ATRNL1: variants seen among roughly 807,000 people sequenced by gnomAD.
ATRNL1 encodes the protein attractin-like protein 1.
A neutral mutation model predicts 182.7 loss-of-function variants in ATRNL1; 95 were observed. The ratio of observed to expected loss-of-function variants is 0.52; its 90% CI spans 0.44 to 0.62. The LOEUF is 0.62. Ranked by LOEUF, ATRNL1 falls within the 20% of genes least tolerant of loss-of-function variation. The probability of loss-of-function intolerance (pLI) is 0.00; values close to 1 mark genes in which losing one functional copy is unlikely to be tolerated. For missense variants in ATRNL1, 1,471 were observed against 1,679.5 expected (o/e 0.88, Z 2.17); for synonymous variants, 576 against 568.3 (o/e 1.01, Z -0.19).
At chr10:115,262,427 G>T (rs1851432282) in intron 10 of ATRNL1, among the ~76,000 whole-genome samples, 2 of 151,860 alleles carry the variant, frequency 1.3e-5, no homozygotes, top group African/African-American at 2.4e-5. Flanking sequence ...AAAATAAGTT[G>T]CAAAAAGATT....
At chr10:115,593,842 TATC>T (rs1322277566) in intron 26 of ATRNL1, among the ~76,000 whole-genome samples, 1 of 152,154 alleles carries the variant, frequency 6.6e-6, no homozygotes, top group Admixed American at 6.5e-5. Flanking sequence ...TTACACTTAT[TATC>T]ATTATCCTGT....
chr10:115,334,493 G>A, intron 19 of ATRNL1, 74 bp downstream of exon 19: 1 of 1,204,366 alleles, frequency 8.3e-7, no homozygotes, highest in Non-Finnish European at 1.1e-6. Context: ...CGCCTGTTGT[G>A]GAGAATATAT....
chr10:115,939,759 G>A (rs529753771), intron 28 of ATRNL1, among the ~76,000 whole-genome samples: 2 of 152,200 alleles, frequency 1.3e-5, no homozygotes, highest in East Asian at 1.9e-4. Context: ...AACTCTAGCG[G>A]CGTGCAGCAT....
At chr10:115,773,382 G>A (rs1395417455) in intron 27 of ATRNL1, among the ~76,000 whole-genome samples, 1 of 152,142 alleles carries the variant, frequency 6.6e-6, no homozygotes. Flanking sequence ...GGGAGCACAA[G>A]AAAATTGCTT....
chr10:115,265,122 A>T, intron 10 of ATRNL1, 71 bp from the exon 11 acceptor site: 1 of 995,860 alleles, frequency 1.0e-6, no homozygotes, highest in South Asian at 1.5e-5. Context: ...TCGGCCAATG[A>T]TGTTTTCATA....
chr10:115,446,556 T>C (rs531678568), intron 21 of ATRNL1, among the ~76,000 whole-genome samples: 176 of 152,114 alleles, frequency 1.2e-3, no homozygotes, highest in African/African-American at 3.5e-3. Flanking sequence ...ATCTACTTCA[T>C]CTGTTGTTGT....
intron 5 of ATRNL1, among the ~76,000 whole-genome samples, chr10:115,139,256 CT>C (rs1171608771): frequency 2.6e-5 from 4 of 152,230 alleles, no homozygotes; most frequent in Non-Finnish European, 5.9e-5. Context: ...GTTTCAACCT[CT>C]GCCTGTTACG....
At chr10:115,328,927 A>G (rs952623896) in intron 18 of ATRNL1, among the ~76,000 whole-genome samples, 3 of 152,132 alleles carry the variant, frequency 2.0e-5, no homozygotes. Flanking sequence ...ATATTAATAC[A>G]TTGAAGTGCT....
rs1554923993 is a variant in ATRNL1 at position 115,300,138 on chromosome 10, A to G, written c.2520A>G (p.Glu840=). The part of the protein sequence containing the change: ...TNTTLQWLPG[E]PNDSGFCAYL... ...CAACACTACAGTGGCTTCCTGGCGA[A>G]CCCAATGATTCTGGGTTTTGTGCAT... Residue 840 remains glutamate (E), a synonymous_variant, in exon 16 of 29, where the codon GAA becomes GAG. Transcript: ENST00000355044. The G allele has an allele frequency of 1.9e-6, 3 of 1,614,074 alleles. No individual in the cohort carries two copies.
chr10:115,220,723 A>AT (rs1428614311), intron 9 of ATRNL1, among the ~76,000 whole-genome samples: 1 of 7,358 alleles, frequency 1.4e-4, no homozygotes, highest in Non-Finnish European at 2.5e-4. Flanking sequence ...AAATAAAATA[A>AT]TGGGGGGGGG....
intron 26 of ATRNL1, among the ~76,000 whole-genome samples, chr10:115,561,041 CT>C (rs1853673788): frequency 6.6e-6 from 1 of 152,050 alleles, no homozygotes; most frequent in South Asian, 2.1e-4. Context: ...GACACCTAAA[CT>C]ATAAAACTCT....
intron 27 of ATRNL1, among the ~76,000 whole-genome samples, chr10:115,809,770 C>T (rs1325769575): frequency 6.6e-6 from 1 of 151,890 alleles, no homozygotes; most frequent in Non-Finnish European, 1.5e-5. Context: ...CCTTTTTCAT[C>T]TGTATGCCTA....
chr10:115,249,891 C>CA (rs1385707988), intron 10 of ATRNL1, among the ~76,000 whole-genome samples: 2 of 152,108 alleles, frequency 1.3e-5, no homozygotes, highest in African/African-American at 4.8e-5. Context: ...AAATTATAGT[C>CA]AGACAGATTA....
intron 26 of ATRNL1, among the ~76,000 whole-genome samples, chr10:115,693,778 T>C (rs1461200634): frequency 6.6e-6 from 1 of 152,026 alleles, no homozygotes; most frequent in Non-Finnish European, 1.5e-5. Flanking sequence ...AGAGCAAAAA[T>C]GCAATAATGC....
At chr10:115,427,237 C>G (rs563345800) in intron 21 of ATRNL1, among the ~76,000 whole-genome samples, 1 of 152,258 alleles carries the variant, frequency 6.6e-6, no homozygotes, top group African/African-American at 2.4e-5. Context: ...TGTTCAGCAT[C>G]TTTTCATAGG....
chr10:115,808,519 T>G (rs1269425885), intron 27 of ATRNL1, among the ~76,000 whole-genome samples: 5 of 152,168 alleles, frequency 3.3e-5, no homozygotes, highest in Non-Finnish European at 7.4e-5. Flanking sequence ...AGACACATGA[T>G]TTCATTTCTC....
intron 27 of ATRNL1, among the ~76,000 whole-genome samples, chr10:115,752,048 A>G (rs1221422178): frequency 6.6e-6 from 1 of 152,058 alleles, no homozygotes; most frequent in African/African-American, 2.4e-5. Context: ...TAGGAATTCA[A>G]AATATTTCAA....
At chr10:115,130,669 T>C (rs1293006561) in intron 5 of ATRNL1, among the ~76,000 whole-genome samples, 1 of 152,120 alleles carries the variant, frequency 6.6e-6, no homozygotes, top group Admixed American at 6.6e-5. Flanking sequence ...ACTCTTTTAA[T>C]CATTTATGAC....
chr10:115,485,439 G>GTAAAATA (rs1848971007), intron 24 of ATRNL1, among the ~76,000 whole-genome samples: 2 of 151,928 alleles, frequency 1.3e-5, no homozygotes, highest in Non-Finnish European at 2.9e-5. Context: ...GTTAAATCTA[G>GTAAAATA]CTAATTAAAA....
Sources: gnomAD v4.1 joint callset for allele counts (sites outside exome capture counted in the v4.1 genomes callset) on GRCh38, gnomAD v4.1.1 for gene constraint, MANE v1.5 for transcripts, NCBI Gene and HGNC (gene_info 2026-07-23, HGNC 2026-07-21) for gene names.